PLXDC1: variants seen among roughly 807,000 people sequenced by gnomAD.
PLXDC1 encodes the protein plexin domain-containing protein 1.
PLXDC1 carries 39 observed loss-of-function variants against 61.3 expected under a neutral mutation model. That is an observed-to-expected ratio of 0.64 (90% CI 0.49 to 0.83). The LOEUF is 0.83. Among genes scored for constraint, PLXDC1 ranks in the 40% least tolerant of loss-of-function variants. PLXDC1 has a pLI of 0.00. For synonymous variants in PLXDC1, 212 were observed against 254.5 expected (o/e 0.83, Z 1.59); for missense variants, 596 against 666.5 (o/e 0.89, Z 1.17).
At chr17:39,087,398 C>T (rs535119431) in intron 8 of PLXDC1, among the ~76,000 whole-genome samples, 1 of 152,170 alleles carries the variant, frequency 6.6e-6, no homozygotes, top group Non-Finnish European at 1.5e-5. Context: ...GAGCTGCGGC[C>T]GATGTGCTCA....
At chr17:39,132,491 G>T (rs1190843182) in intron 2 of PLXDC1, among the ~76,000 whole-genome samples, 12 of 152,212 alleles carry the variant, frequency 7.9e-5, no homozygotes, top group Non-Finnish European at 1.8e-4. Flanking sequence ...TGTGGTGGTA[G>T]ATTGGGTGTG....
intron 1 of PLXDC1, among the ~76,000 whole-genome samples, chr17:39,150,276 T>C (rs2045364618): frequency 6.6e-6 from 1 of 151,966 alleles, no homozygotes. Flanking sequence ...TTCTTCTCAA[T>C]AGGGACCCAG....
At position 39,099,046 on chromosome 17, in the gene PLXDC1, C is replaced by T. The variant is rs115604219; in HGVS notation, c.811+6808G>A. 8.7e-3 allele frequency among the ~76,000 whole-genome samples: 1,324 copies of T among 152,142 alleles called. 25 individuals carry two copies. Among genetic ancestry groups the T allele is most frequent in the African/African-American group, 0.03 (1,232 of 41,452 alleles). The stretch of plus-strand genomic sequence containing the variant: ...GAACAGGAGACAGAGGGAAGGAGGA[C>T]GAGGCTGGGAGCTGCTGGCAGTGTC... On this transcript the variant is annotated intron_variant, in intron 7 of 13. Coordinates refer to ENST00000315392, the MANE Select transcript of PLXDC1 (RefSeq NM_020405.5).
At chr17:39,126,208 C>T (rs1035631694) in intron 2 of PLXDC1, among the ~76,000 whole-genome samples, 2 of 152,024 alleles carry the variant, frequency 1.3e-5, no homozygotes, top group Admixed American at 6.6e-5. Context: ...GAGCCAAGAT[C>T]GCACCACTGC....
At chr17:39,108,087 G>A (rs2063915642) in intron 5 of PLXDC1, 36 bp downstream of exon 5, 1 of 1,613,758 alleles carries the variant, frequency 6.2e-7, no homozygotes, top group Non-Finnish European at 8.5e-7. Context: ...GGGATCCCTG[G>A]AGCTGGGTGA....
chr17:39,070,073 C>G, intron 12 of PLXDC1, 57 bp from the exon 13 acceptor site: 1 of 1,398,936 alleles, frequency 7.1e-7, no homozygotes, highest in Non-Finnish European at 1.0e-6. Context: ...AAGGTCGAAC[C>G]ATGGGGTCTT....
chr17:39,140,841 A>AT (rs1286656572), intron 1 of PLXDC1, among the ~76,000 whole-genome samples: 1 of 152,104 alleles, frequency 6.6e-6, no homozygotes, highest in Non-Finnish European at 1.5e-5. Context: ...TCCTTTTCCA[A>AT]TTTTTTTATT....
intron 2 of PLXDC1, among the ~76,000 whole-genome samples, chr17:39,111,546 A>G (rs1250682329): frequency 2.0e-5 from 3 of 152,108 alleles, no homozygotes; most frequent in African/African-American, 7.2e-5. Flanking sequence ...GGGCCTCCCA[A>G]GGTGCTGGGA....
chr17:39,138,420 C>T (rs1195771576), intron 2 of PLXDC1, among the ~76,000 whole-genome samples: 1 of 152,216 alleles, frequency 6.6e-6, no homozygotes, highest in Non-Finnish European at 1.5e-5. Context: ...ACATGATCGT[C>T]ACAATCCACA....
rs544543025 is a variant in PLXDC1, at chr17:39,105,272, G to A, written c.811+582C>T. ...CCAGGAGTACAAATCCAAGACCCTC[G>A]TGAGCACGCAATGGGGGTCGGGAGC... On this transcript the variant is annotated intron_variant, in intron 7 of 13. Transcript: ENST00000315392. 5.9e-5 allele frequency among the ~76,000 whole-genome samples: 9 copies of A among 152,310 alleles called. No homozygotes were observed. In the East Asian group the frequency reaches 1.2e-3, roughly 20 times the overall value.
chr17:39,138,033 A>G (rs1006445830), intron 2 of PLXDC1, among the ~76,000 whole-genome samples: 1 of 152,166 alleles, frequency 6.6e-6, no homozygotes, highest in African/African-American at 2.4e-5. Context: ...CCCAGGCTCA[A>G]GCAATCCTCC....
intron 7 of PLXDC1, among the ~76,000 whole-genome samples, chr17:39,090,951 C>T (rs1384434594): frequency 6.6e-6 from 1 of 152,208 alleles, no homozygotes; most frequent in African/African-American, 2.4e-5. Context: ...CAGTTCCCCG[C>T]TGCTGTGGAG....
In PLXDC1 at chr17:39,063,393, A is replaced by G. The variant is rs1598178338; in HGVS notation, c.*4447T>C. On this transcript the variant is annotated 3_prime_UTR_variant, in exon 14 of 14. Transcript: ENST00000315392. ...TACTTCCAGGGATTTACAGACCAAT[A>G]TAAGTAAACAGCTGGGGTTTCTTTT... is the stretch of plus-strand genomic sequence containing the variant. 10 of 695,690 alleles carry G rather than the reference A, an allele frequency of 1.4e-5. No individual in the cohort carries two copies. Among genetic ancestry groups the G allele is most frequent in the East Asian group, 2.7e-5 (1 of 37,260 alleles). The allele number at this position is 695,690 out of a possible 1,614,324, so 43.1% of individuals were successfully genotyped here.
chr17:39,076,846 C>T (rs1909357206), intron 11 of PLXDC1, among the ~76,000 whole-genome samples: 1 of 152,130 alleles, frequency 6.6e-6, no homozygotes, highest in Non-Finnish European at 1.5e-5. Flanking sequence ...AGCAATTCTC[C>T]TGCCTCAGCC....
intron 8 of PLXDC1, among the ~76,000 whole-genome samples, chr17:39,084,060 C>T (rs1171195772): frequency 6.6e-6 from 1 of 152,172 alleles, no homozygotes; most frequent in Non-Finnish European, 1.5e-5. Flanking sequence ...AAAATCACTA[C>T]AGAATTAGAA....
At chr17:39,072,883 C>T (rs1909181891) in intron 11 of PLXDC1, among the ~76,000 whole-genome samples, 1 of 152,166 alleles carries the variant, frequency 6.6e-6, no homozygotes, top group South Asian at 2.1e-4. Context: ...TCTGTCTATA[C>T]CTCGAGGCCT....
chr17:39,105,106 G>A (rs1168172033), intron 7 of PLXDC1, among the ~76,000 whole-genome samples: 1 of 152,196 alleles, frequency 6.6e-6, no homozygotes, highest in Non-Finnish European at 1.5e-5. Flanking sequence ...GGGAAGGGCA[G>A]ACAAAGGCTC....
intron 6 of PLXDC1, among the ~76,000 whole-genome samples, chr17:39,107,117 C>G (rs1910621621): frequency 6.6e-6 from 1 of 152,210 alleles, no homozygotes; most frequent in Non-Finnish European, 1.5e-5. Flanking sequence ...TCAGCAAAGC[C>G]TCCCCTGGCC....
chr17:39,070,279 T>C (rs1253618957), intron 12 of PLXDC1: 4 of 349,812 alleles, frequency 1.1e-5, no homozygotes, highest in Non-Finnish European at 2.1e-5. Context: ...AAGTTCTCTC[T>C]GATATCTGTG....
Sources: allele counts gnomAD v4.1 joint callset (sites outside exome capture counted in the v4.1 genomes callset), GRCh38; gene constraint gnomAD v4.1.1; transcripts MANE v1.5; gene names NCBI Gene and HGNC (gene_info 2026-07-23, HGNC 2026-07-21).